The following GGT7 variants were observed in gnomAD, a reference collection of about 807,000 sequenced individuals.
GGT7 encodes glutathione hydrolase 7.
Under a neutral mutation model 69.2 loss-of-function variants are expected in GGT7, and 30 were observed. That is an observed-to-expected ratio of 0.43 (90% confidence interval 0.32 to 0.59). The LOEUF is 0.59. Among genes scored for constraint, GGT7 ranks in the 20% least tolerant of loss-of-function variants. The pLI is 0.05. For missense variants in GGT7, 733 were observed against 901.1 expected, an observed-to-expected ratio of 0.81 and a Z score of 2.39; for synonymous variants, 388 against 391.8, an observed-to-expected ratio of 0.99 and a Z score of 0.12.
At chr20:34,851,201 GA>G in intron 13 of GGT7, 29 bp downstream of exon 13, 2 of 1,610,224 alleles carry the variant, frequency 1.2e-6, no homozygotes. Flanking sequence ...GCTCCCGGCT[GA>G]AAAAGGCCAA....
chr20:34,845,553 A>T, intron 14 of GGT7, 62 bp from the exon 15 acceptor site: 1 of 1,442,894 alleles, frequency 6.9e-7, no homozygotes, highest in Non-Finnish European at 9.6e-7. Flanking sequence ...CAAGAGTCCT[A>T]CAGTCAGACC....
rs1051947500 is a variant in GGT7 at position 34,860,007 on chromosome 20, G to T, written c.779C>A (p.Ala260Asp). 3 of 1,569,940 alleles carry T rather than the reference G, an allele frequency of 1.9e-6. No individual in the cohort carries two copies. The highest frequency in any genetic ancestry group is 2.7e-5 in the African/African-American group (2 of 73,778). Residue 260 changes from alanine (A) to aspartate (D), a missense_variant, in exon 6 of 15, where the codon GCT (alanine) becomes GAT (aspartate). By Grantham distance (126) the Ala-to-Asp change is moderately radical (BLOSUM62 -2). Transcript: ENST00000336431. The part of the protein sequence containing the change: ...PWSQVLAFAA[A>D]VAQDGFNVTH... ...CACGTTGAAGCCATCTTGGGCCACA[G>T]CTGCTGCAAAGGCCAGGACTTGGGA...
chr20:34,848,361 C>T (rs989931212), intron 14 of GGT7, among the ~76,000 whole-genome samples: 1 of 152,162 alleles, frequency 6.6e-6, no homozygotes, highest in Admixed American at 6.5e-5. Flanking sequence ...CTACTTGTCA[C>T]CTCCTCCATA....
chr20:34,856,799 A>C lies in GGT7; in HGVS notation c.1102+7T>G. On this transcript the variant is annotated splice_region_variant and intron_variant, in intron 8 of 14. Coordinates refer to ENST00000336431, the MANE Select transcript of GGT7 (RefSeq NM_178026.3). ...GGGGGGACCCTGGGAGCCGGGGGAG[A>C]GGTCACCTCTGTACACGCCACACAC... The C allele has an allele frequency of 6.4e-7, 1 of 1,565,484 alleles. No homozygotes were observed. The highest frequency in any genetic ancestry group is 8.8e-7 in the Non-Finnish European group (1 of 1,137,578).
At position 34,862,948 on chromosome 20, in the gene GGT7, G is replaced by A. The variant is rs1358595796; in HGVS notation, c.423C>T (p.Ala141=). The change falls in exon 3 of 15, where the codon GCC becomes GCT. Residue 141 remains alanine, a synonymous_variant. Coordinates refer to ENST00000336431, the MANE Select transcript of GGT7 (RefSeq NM_178026.3). ...FGDPQIFQQG[A]VVTDAARCTS... ...TGCAGCGGGCAGCATCGGTCACCAC[G>A]GCACCCTGCTGGAAGATCTGGGAGG... 4 of 1,613,292 alleles carry A rather than the reference G, an allele frequency of 2.5e-6. No individual in the cohort carries two copies. The highest frequency in any genetic ancestry group is 3.3e-5 in the Admixed American group (2 of 59,906).
Position 34,854,834 on chromosome 20 carries a change from G to A in GGT7, c.1192C>T (p.Leu398=). ...TGAAGAGCCTGTTCTCGGGATACCA[G>A]GCTGGTGAGATTGAAGCCCTCCAGG... ...NILEGFNLTS[L]VSREQALHWV... Residue 398 remains leucine (L), a synonymous_variant, in exon 9 of 15, where the codon CTG becomes TTG. Transcript: ENST00000336431. 1 of 1,614,188 alleles carries A rather than the reference G, an allele frequency of 6.2e-7. No homozygotes were observed. The highest frequency in any genetic ancestry group is 8.5e-7 in the Non-Finnish European group (1 of 1,180,016).
rs745358213 is a variant in GGT7, at chr20:34,845,401, C to T, written c.1916G>A (p.Arg639Gln). ...VDVLSWVHGSRRTNNFIIAVK... is the reference protein window; with the variant it reads ...VDVLSWVHGSQRTNNFIIAVK... ...AGCGATGATGAAGTTGTTGGTCCTTCGGCTGCCATGGACCCAGGATAAGAC... is the reference window on the plus strand; with the variant it reads ...AGCGATGATGAAGTTGTTGGTCCTTTGGCTGCCATGGACCCAGGATAAGAC... The change falls in exon 15 of 15, where the codon CGA becomes CAA. Residue 639 changes from arginine to glutamine, a missense_variant. By Grantham distance (43) the Arg-to-Gln change is conservative. Transcript: ENST00000336431. 2.2e-5 allele frequency: 36 copies of T among 1,614,094 alleles called. No individual in the cohort carries two copies. Among genetic ancestry groups the T allele is most frequent in the African/African-American group, 1.5e-4 (11 of 75,036 alleles).
intron 1 of GGT7, among the ~76,000 whole-genome samples, chr20:34,871,953 C>A (rs1250142513): frequency 2.0e-5 from 3 of 152,148 alleles, no homozygotes; most frequent in Admixed American, 2.0e-4. Context: ...ACAATTCCAG[C>A]AGAGGGCTGA....
At chr20:34,869,112 CTTG>C (rs1258614458) in intron 1 of GGT7, among the ~76,000 whole-genome samples, 1 of 151,848 alleles carries the variant, frequency 6.6e-6, no homozygotes, top group Non-Finnish European at 1.5e-5. Context: ...TCATCCCTGG[CTTG>C]TTGTTTATTC....
At chr20:34,868,723 C>A (rs890208377) in intron 1 of GGT7, among the ~76,000 whole-genome samples, 1 of 152,116 alleles carries the variant, frequency 6.6e-6, no homozygotes, top group Non-Finnish European at 1.5e-5. Flanking sequence ...CCAATAAGAC[C>A]CAAACTTTGT....
At chr20:34,864,557 C>A (rs1601243549) in intron 1 of GGT7, among the ~76,000 whole-genome samples, 2 of 151,888 alleles carry the variant, frequency 1.3e-5, no homozygotes, top group Non-Finnish European at 1.5e-5. Context: ...CCCGGCTCCA[C>A]TAAAAATACA....
chr20:34,865,791 C>T (rs550146405), intron 1 of GGT7, among the ~76,000 whole-genome samples: 51 of 152,288 alleles, frequency 3.3e-4, no homozygotes, highest in African/African-American at 1.2e-3. Flanking sequence ...CCCATAGCTC[C>T]CTCCTCTGAG....
rs200112770 is a variant in GGT7 at position 34,845,412 on chromosome 20, G to A, written c.1905C>T (p.Val635=). 3 of 1,614,098 alleles carry A rather than the reference G, an allele frequency of 1.9e-6. No homozygotes were observed. Among genetic ancestry groups the A allele is most frequent in the Non-Finnish European group, 2.5e-6 (3 of 1,179,972 alleles). Residue 635 remains valine (V), a synonymous_variant, in exon 15 of 15, where the codon GTC becomes GTT. Transcript: ENST00000336431. ...AGTTGTTGGTCCTTCGGCTGCCATG[G>A]ACCCAGGATAAGACATCTACTTTCT... ...HVEKVDVLSW[V]HGSRRTNNFI...
chr20:34,866,541 T>C (rs1485484979), intron 1 of GGT7, among the ~76,000 whole-genome samples: 3 of 56,906 alleles, frequency 5.3e-5, no homozygotes, highest in Non-Finnish European at 9.7e-5. Context: ...TCTTCCTCAC[T>C]ATTGCTTTTT....
At position 34,862,929 on chromosome 20, in the gene GGT7, G is replaced by A. The variant is rs780484529; in HGVS notation, c.442C>T (p.Arg148Cys). ...QQGAVVTDAA[R>C]CTSLGIEVLS... ...ACCTCGATGCCCAGTGAAGTGCAGC[G>A]GGCAGCATCGGTCACCACGGCACCC... The change falls in exon 3 of 15, where the codon CGC (arginine) becomes TGC (cysteine). Residue 148 changes from arginine to cysteine, a missense_variant. By Grantham distance (180) the Arg-to-Cys change is radical. Transcript: ENST00000336431. 12 of 1,613,886 alleles carry A rather than the reference G, an allele frequency of 7.4e-6. No individual in the cohort carries two copies. The highest frequency in any genetic ancestry group is 6.7e-5 in the East Asian group (3 of 44,868).
chr20:34,850,210 C>G, intron 13 of GGT7, 150 bp from the exon 14 acceptor site: 1 of 770,810 alleles, frequency 1.3e-6, no homozygotes, highest in African/African-American at 1.7e-5. Flanking sequence ...GGAAGACAGG[C>G]AGGCCTGTGA....
At chr20:34,861,016 G>A (rs770309096) in intron 4 of GGT7, among the ~76,000 whole-genome samples, 20 of 152,248 alleles carry the variant, frequency 1.3e-4, no homozygotes, top group Non-Finnish European at 2.5e-4. Flanking sequence ...TTTTGCCACC[G>A]CACTAAGTAC....
At chr20:34,869,644 T>G (rs1443561024) in intron 1 of GGT7, among the ~76,000 whole-genome samples, 6 of 151,688 alleles carry the variant, frequency 4.0e-5, no homozygotes, top group African/African-American at 1.5e-4. Context: ...GGATGATGAG[T>G]AGGAATTTGG....
intron 1 of GGT7, chr20:34,872,214 T>C: frequency 6.4e-6 from 1 of 155,680 alleles, no homozygotes; most frequent in Non-Finnish European, 1.4e-5. Flanking sequence ...GACCCTCTGC[T>C]TCTCACAATC....
Sources: allele counts gnomAD v4.1 joint callset (sites outside exome capture counted in the v4.1 genomes callset), GRCh38; gene constraint gnomAD v4.1.1; transcripts MANE v1.5; gene names NCBI Gene and HGNC (gene_info 2026-07-23, HGNC 2026-07-21).